Variants in DGKI observed in about 807,000 individuals in gnomAD.
DGKI encodes the protein DAG kinase iota.
Under a neutral mutation model 147.5 loss-of-function variants are expected in DGKI, and 55 were observed. That is an observed-to-expected ratio of 0.37 (90% CI 0.30 to 0.47). The LOEUF is 0.47. Ranked by LOEUF, DGKI falls within the 20% of genes least tolerant of loss-of-function variation. The pLI, the probability that DGKI is intolerant of heterozygous loss-of-function variation, is 1.00. For missense variants in DGKI, 1,007 were observed against 1,323.8 expected, an observed-to-expected ratio of 0.76 and a Z score of 3.71; for synonymous variants, 469 against 477.1, an observed-to-expected ratio of 0.98 and a Z score of 0.22.
chr7:137,565,654 A>G (rs1268966006), intron 19 of DGKI, among the ~76,000 whole-genome samples: 4 of 152,196 alleles, frequency 2.6e-5, no homozygotes, highest in African/African-American at 9.6e-5. Context: ...TTAGGTTCCC[A>G]ATTCCTCTGA....
chr7:137,447,519 T>C (rs1051836685), intron 27 of DGKI, among the ~76,000 whole-genome samples: 5 of 152,128 alleles, frequency 3.3e-5, no homozygotes, highest in African/African-American at 1.2e-4. Context: ...AGGAGCTTAT[T>C]AGGTAAGTTA....
chr7:137,445,463 C>A (rs557912794), intron 27 of DGKI, among the ~76,000 whole-genome samples: 1 of 152,266 alleles, frequency 6.6e-6, no homozygotes, highest in South Asian at 2.1e-4. Flanking sequence ...GCCTGAGAAG[C>A]ACCATTTGGC....
At chr7:137,500,987 C>T (rs1277582646) in intron 21 of DGKI, among the ~76,000 whole-genome samples, 1 of 152,066 alleles carries the variant, frequency 6.6e-6, no homozygotes, top group African/African-American at 2.4e-5. Context: ...CCTGTATTTG[C>T]ACACCCATTG....
At chr7:137,657,546 C>G (rs1192795051) in intron 3 of DGKI, among the ~76,000 whole-genome samples, 1 of 152,196 alleles carries the variant, frequency 6.6e-6, no homozygotes, top group East Asian at 1.9e-4. Context: ...TCAGCCCTCT[C>G]TATAAAGGAC....
intron 12 of DGKI, among the ~76,000 whole-genome samples, chr7:137,589,639 C>A (rs550576591): frequency 5.9e-5 from 9 of 152,186 alleles, no homozygotes; most frequent in African/African-American, 9.6e-5. Context: ...TTCTAATAAA[C>A]TGCAAGAAGG....
chr7:137,436,087 T>C (rs1163227606), intron 28 of DGKI, among the ~76,000 whole-genome samples: 2 of 152,210 alleles, frequency 1.3e-5, no homozygotes, highest in Admixed American at 1.3e-4. Flanking sequence ...TATCTAACTT[T>C]CTTAATCTTC....
At chr7:137,432,595 C>T (rs777011085) in intron 28 of DGKI, among the ~76,000 whole-genome samples, 2 of 152,016 alleles carry the variant, frequency 1.3e-5, no homozygotes, top group African/African-American at 2.4e-5. Flanking sequence ...TATTATCATC[C>T]TCATTTTCAG....
chr7:137,759,075 T>C (rs1254303759), intron 1 of DGKI, among the ~76,000 whole-genome samples: 1 of 152,140 alleles, frequency 6.6e-6, no homozygotes, highest in East Asian at 1.9e-4. Flanking sequence ...CAGTGAACAT[T>C]GTACCCAACA....
chr7:137,524,518 G>A (rs145267645), intron 20 of DGKI, among the ~76,000 whole-genome samples: 117 of 151,906 alleles, frequency 7.7e-4, no homozygotes, highest in African/African-American at 2.7e-3. Context: ...AAAAATTTAC[G>A]CAATTAACAG....
At chr7:137,426,370 G>A (rs1037411984) in intron 28 of DGKI, among the ~76,000 whole-genome samples, 1 of 152,108 alleles carries the variant, frequency 6.6e-6, no homozygotes, top group Non-Finnish European at 1.5e-5. Flanking sequence ...GTCACCAGCA[G>A]GCCTGCCCTA....
intron 1 of DGKI, among the ~76,000 whole-genome samples, chr7:137,752,983 A>T (rs1199884372): frequency 1.3e-5 from 2 of 152,206 alleles, no homozygotes; most frequent in African/African-American, 4.8e-5. Context: ...CTTCCTAGAC[A>T]GCCAGTATCA....
At chr7:137,638,536 ATATG>A (rs1282491924) in intron 6 of DGKI, among the ~76,000 whole-genome samples, 2 of 120,880 alleles carry the variant, frequency 1.7e-5, no homozygotes, top group Non-Finnish European at 3.4e-5. Flanking sequence ...ACACACACAT[ATATG>A]TATATATATG....
At chr7:137,806,504 G>T (rs953680254) in intron 1 of DGKI, among the ~76,000 whole-genome samples, 1 of 152,084 alleles carries the variant, frequency 6.6e-6, no homozygotes, top group Non-Finnish European at 1.5e-5. Context: ...TGCGATCTTG[G>T]CTCACTGCAA....
At chr7:137,469,735 AT>A (rs923097799) in intron 23 of DGKI, 116 bp from the exon 24 acceptor site, 130 of 772,050 alleles carry the variant, frequency 1.7e-4, no homozygotes, top group Non-Finnish European at 2.1e-4. Flanking sequence ...AGCAAATCAC[AT>A]TTTTTTTTCT....
At chr7:137,442,842 G>A (rs1813562389) in intron 28 of DGKI, among the ~76,000 whole-genome samples, 1 of 152,154 alleles carries the variant, frequency 6.6e-6, no homozygotes, top group East Asian at 1.9e-4. Flanking sequence ...AGAACTCATA[G>A]TCTAATAGGG....
chr7:137,438,481 G>A (rs1042135621), intron 28 of DGKI, among the ~76,000 whole-genome samples: 6 of 152,094 alleles, frequency 3.9e-5, no homozygotes, highest in African/African-American at 1.4e-4. Context: ...CTGAAGTTGG[G>A]AGTGTATATT....
At chr7:137,768,768 C>T (rs913457931) in intron 1 of DGKI, among the ~76,000 whole-genome samples, 1 of 152,198 alleles carries the variant, frequency 6.6e-6, no homozygotes, top group African/African-American at 2.4e-5. Flanking sequence ...GCCTCCTTCA[C>T]ACTCAGGGAC....
chr7:137,383,534 CAG>C lies in DGKI; in HGVS notation c.*7684_*7685del, dbSNP rs1341846342. ...AGACATTTAAACCAAGAAAATCTCA[CAG>C]AGTTTTTCTAGTCCAAGATCTCTCA... On this transcript the variant is annotated 3_prime_UTR_variant, in exon 33 of 33. Coordinates refer to ENST00000614521, the MANE Select transcript of DGKI (RefSeq NM_001321708.2). The C allele has an allele frequency of 1.3e-5, 2 of 151,808 alleles. No homozygotes were observed. The highest frequency in any genetic ancestry group is 2.1e-4 in the South Asian group (1 of 4,822). 9.4% of individuals were successfully genotyped at this position (151,808 alleles called of 1,614,324 possible). A position where few individuals can be genotyped will look rare whatever the true frequency, so the allele number is the denominator to read the frequency against.
chr7:137,415,408 G>C lies in DGKI; in HGVS notation c.2762-3201C>G, dbSNP rs78291874. On this transcript the variant is annotated intron_variant, in intron 28 of 32. Transcript: ENST00000614521. ...GAAGTGTACGGGAGGATGTGCAAAG[G>C]CTATATGCAAATACTGAGCTATTTT... Among the ~76,000 whole-genome samples, 867 of 152,216 alleles carry C rather than the reference G, an allele frequency of 5.7e-3. 9 individuals carry two copies. The highest frequency in any genetic ancestry group is 0.02 in the African/African-American group (818 of 41,514).
Sources: gnomAD v4.1 joint callset for allele counts (sites outside exome capture counted in the v4.1 genomes callset) on GRCh38, gnomAD v4.1.1 for gene constraint, MANE v1.5 for transcripts, NCBI Gene and HGNC (gene_info 2026-07-23, HGNC 2026-07-21) for gene names.